Variants in MYOM2 observed in about 807,000 individuals in gnomAD.
MYOM2 encodes the protein myomesin 2.
In MYOM2, 254 loss-of-function variants were observed where a neutral mutation model predicts 187.6. That is an observed-to-expected ratio of 1.35 (90% CI 1.22 to 1.50). MYOM2 has a LOEUF of 1.50. Among genes scored for constraint, MYOM2 ranks in the 40% most tolerant of loss-of-function variants. The pLI is 0.00. For missense variants in MYOM2, 2,796 were observed against 1,924.0 expected (o/e 1.45, Z -8.48); for synonymous variants, 981 against 753.8 (o/e 1.30, Z -4.94).
chr8:2,078,691 C>T, intron 11 of MYOM2, 43 bp from the exon 12 acceptor site: 1 of 1,592,774 alleles, frequency 6.3e-7, no homozygotes, highest in Non-Finnish European at 8.6e-7. Context: ...AGTAGGTTGC[C>T]ACATTTGCTA....
At chr8:2,119,729 C>A (rs1797364128) in intron 28 of MYOM2, among the ~76,000 whole-genome samples, 2 of 152,036 alleles carry the variant, frequency 1.3e-5, no homozygotes, top group African/African-American at 4.8e-5. Context: ...GCAGAGGGGT[C>A]AGTGGAAGAG....
intron 8 of MYOM2, among the ~76,000 whole-genome samples, chr8:2,070,407 T>G (rs1249832108): frequency 2.6e-5 from 4 of 152,294 alleles, no homozygotes; most frequent in African/African-American, 9.6e-5. Flanking sequence ...TGTGTGACTT[T>G]TTTTGCTGGG....
rs755438767 is a variant in MYOM2, at chr8:2,106,294, C to T, written c.2787C>T (p.Gly929=). 12 of 1,614,052 alleles carry T rather than the reference C, an allele frequency of 7.4e-6. No homozygotes were observed. In the Admixed American group the frequency reaches 1.7e-4, roughly 22 times the overall value. ...GVDEQGNIYL[G]FDCQEMTDAS... Reference sequence around the variant, plus strand: ...ATGAACAAGGCAACATCTATCTGGGCTTCGACTGCCAGGAAATGACAGACG... The same window carrying T: ...ATGAACAAGGCAACATCTATCTGGGTTTCGACTGCCAGGAAATGACAGACG... The change falls in exon 22 of 37, where the codon GGC becomes GGT. Residue 929 remains glycine (G), a synonymous_variant. Coordinates refer to ENST00000262113, the MANE Select transcript of MYOM2 (RefSeq NM_003970.4).
rs768664023 is a variant in MYOM2, at chr8:2,129,109, A to T, written c.3695-18A>T. The T allele has an allele frequency of 6.4e-7, 1 of 1,573,908 alleles. No homozygotes were observed. Among genetic ancestry groups the T allele is most frequent in the Non-Finnish European group, 8.7e-7 (1 of 1,145,060 alleles). On this transcript the variant is annotated intron_variant, in intron 31 of 36. Coordinates refer to ENST00000262113, the MANE Select transcript of MYOM2 (RefSeq NM_003970.4). ...GGCACTCCTTTTCCTAGATCTGAGG[A>T]TGTTTTATTTTCTGCAGGGAAATCT...
intron 1 of MYOM2, among the ~76,000 whole-genome samples, chr8:2,050,401 C>G (rs1818443950): frequency 6.6e-6 from 1 of 152,216 alleles, no homozygotes; most frequent in African/African-American, 2.4e-5. Context: ...TTGTTTACTT[C>G]TCTAATCTGC....
At chr8:2,090,597 C>T (rs1796265677) in intron 15 of MYOM2, among the ~76,000 whole-genome samples, 1 of 152,178 alleles carries the variant, frequency 6.6e-6, no homozygotes, top group African/African-American at 2.4e-5. Flanking sequence ...CCATTAGTGA[C>T]TTTGCCTGCT....
intron 18 of MYOM2, among the ~76,000 whole-genome samples, chr8:2,097,332 G>A (rs1249529357): frequency 6.6e-6 from 1 of 152,052 alleles, no homozygotes; most frequent in East Asian, 1.9e-4. Context: ...ATGTCTAAAT[G>A]TTCTCAACTT....
At chr8:2,091,995 G>A (rs761325809) in intron 15 of MYOM2, among the ~76,000 whole-genome samples, 4 of 152,164 alleles carry the variant, frequency 2.6e-5, no homozygotes, top group Non-Finnish European at 4.4e-5. Context: ...CTTAAAATTG[G>A]TTAATTTCCA....
chr8:2,130,325 G>A (rs74659392), intron 32 of MYOM2, among the ~76,000 whole-genome samples: 1 of 119,676 alleles, frequency 8.4e-6, no homozygotes, highest in African/African-American at 3.1e-5. Context: ...CCCTCACTAC[G>A]CTATACCCAG....
intron 25 of MYOM2, among the ~76,000 whole-genome samples, chr8:2,115,592 G>C (rs1276259880): frequency 6.6e-6 from 1 of 152,116 alleles, no homozygotes; most frequent in Non-Finnish European, 1.5e-5. Flanking sequence ...TATCCATGTG[G>C]GATTTTTGTC....
intron 36 of MYOM2, among the ~76,000 whole-genome samples, chr8:2,143,932 C>T (rs1179170396): frequency 3.3e-5 from 5 of 152,208 alleles, no homozygotes; most frequent in East Asian, 1.9e-4. Context: ...TGGAACACAT[C>T]GTGGAAGCCA....
intron 20 of MYOM2, chr8:2,101,998 T>A (rs1796726220): frequency 6.6e-6 from 1 of 152,130 alleles, no homozygotes; most frequent in South Asian, 2.1e-4. Flanking sequence ...AACCCAGAGG[T>A]TTTCTTCTCT....
chr8:2,119,558 C>G (rs1245909561), intron 28 of MYOM2: 2 of 152,896 alleles, frequency 1.3e-5, no homozygotes, highest in East Asian at 1.9e-4. Context: ...CCTGGCAAGG[C>G]AGGGTCTCTA....
rs1404832821 is a variant in MYOM2, at chr8:2,069,509, T to A, written c.793+12T>A. 2 of 1,614,182 alleles carry A rather than the reference T, an allele frequency of 1.2e-6. No homozygotes were observed. Among genetic ancestry groups the A allele is most frequent in the Non-Finnish European group, 1.7e-6 (2 of 1,180,018 alleles). ...ACTCCCGATTGGATGTAAGTGGGTT[T>A]TTGTTTCTTTTCTGTGTGGTGAAAT... On this transcript the variant is annotated intron_variant, in intron 8 of 36. Transcript: ENST00000262113.
intron 8 of MYOM2, among the ~76,000 whole-genome samples, chr8:2,072,097 G>C (rs779474105): frequency 6.6e-6 from 1 of 152,148 alleles, no homozygotes; most frequent in Non-Finnish European, 1.5e-5. Context: ...GTGCTTTTGC[G>C]GTGACGGTCT....
At chr8:2,082,413 A>G (rs896819113) in intron 13 of MYOM2, among the ~76,000 whole-genome samples, 3 of 151,786 alleles carry the variant, frequency 2.0e-5, no homozygotes, top group Admixed American at 6.6e-5. Context: ...TTCTTTTACC[A>G]TTGCTTTAGC....
intron 35 of MYOM2, among the ~76,000 whole-genome samples, chr8:2,142,712 C>A: frequency 6.0e-5 from 1 of 16,606 alleles, no homozygotes; most frequent in East Asian, 2.8e-3. Flanking sequence ...CCCCTTCCCT[C>A]CCTCCCTCCC....
chr8:2,072,652 G>A, intron 9 of MYOM2, 143 bp downstream of exon 9: 1 of 1,084,998 alleles, frequency 9.2e-7, no homozygotes. Flanking sequence ...GACTGTAGAG[G>A]ACTTGGTGGC....
At chr8:2,087,188 C>G (rs1796122364) in intron 14 of MYOM2, among the ~76,000 whole-genome samples, 1 of 152,174 alleles carries the variant, frequency 6.6e-6, no homozygotes, top group Admixed American at 6.5e-5. Context: ...AAGGCTGTAA[C>G]TAGGGTTTTG....
Sources: allele counts gnomAD v4.1 joint callset (sites outside exome capture counted in the v4.1 genomes callset), GRCh38; gene constraint gnomAD v4.1.1; transcripts MANE v1.5; gene names NCBI Gene and HGNC (gene_info 2026-07-23, HGNC 2026-07-21).